FBN2: variants seen among roughly 807,000 people sequenced by gnomAD.
FBN2 encodes fibrillin 2.
A neutral mutation model predicts 355.6 loss-of-function variants in FBN2; 105 were observed. That is an observed-to-expected ratio of 0.30 (90% CI 0.25 to 0.35). The LOEUF is 0.35. Among genes scored for constraint, FBN2 ranks in the 10% least tolerant of loss-of-function variants. FBN2 has a pLI of 1.00. For missense variants in FBN2, 3,280 were observed against 3,758.7 expected, an observed-to-expected ratio of 0.87 and a Z score of 3.33; for synonymous variants, 1,350 against 1,301.2, an observed-to-expected ratio of 1.04 and a Z score of -0.81.
chr5:128,408,552 AT>A (rs1227634928), intron 8 of FBN2, 121 bp downstream of exon 8: 6 of 1,187,480 alleles, frequency 5.1e-6, no homozygotes, highest in Non-Finnish European at 7.5e-6. Context: ...TACCGTTTAC[AT>A]TAAACAACTC....
intron 7 of FBN2, among the ~76,000 whole-genome samples, chr5:128,413,506 A>T (rs1753121472): frequency 6.6e-6 from 1 of 152,156 alleles, no homozygotes; most frequent in African/African-American, 2.4e-5. Flanking sequence ...CAGGTTTTTT[A>T]AAAAAGGAAA....
intron 62 of FBN2, among the ~76,000 whole-genome samples, chr5:128,269,456 C>A (rs1169447631): frequency 6.7e-6 from 1 of 150,248 alleles, no homozygotes; most frequent in African/African-American, 2.4e-5. Context: ...GAGACTCCAC[C>A]CCAAAAAAAA....
Position 128,470,644 on chromosome 5 carries a change from C to T in FBN2, c.629-5723G>A, listed in dbSNP as rs960242298. 4.6e-5 allele frequency among the ~76,000 whole-genome samples: 7 copies of T among 151,896 alleles called. No individual in the cohort carries two copies. In the East Asian group the frequency reaches 5.8e-4, roughly 13 times the overall value. On this transcript the variant is annotated intron_variant, in intron 5 of 64. Coordinates refer to ENST00000262464, the MANE Select transcript of FBN2 (RefSeq NM_001999.4). ...ACCATGGAATCTATGCTGGACAAGA[C>T]GGGAAGTAAGAAAAGGACTGCTAGA...
At chr5:128,467,995 T>C (rs533904084) in intron 5 of FBN2, among the ~76,000 whole-genome samples, 5 of 152,310 alleles carry the variant, frequency 3.3e-5, no homozygotes, top group African/African-American at 9.6e-5. Context: ...ATTCGCCTGT[T>C]TTAAGTGTAA....
intron 5 of FBN2, among the ~76,000 whole-genome samples, chr5:128,497,460 G>A (rs1389892117): frequency 6.6e-6 from 1 of 152,196 alleles, no homozygotes; most frequent in Non-Finnish European, 1.5e-5. Flanking sequence ...CTTGTACAAA[G>A]TGGTTAAGTA....
At chr5:128,398,132 C>T (rs948685165) in intron 8 of FBN2, among the ~76,000 whole-genome samples, 2 of 151,920 alleles carry the variant, frequency 1.3e-5, no homozygotes, top group African/African-American at 4.8e-5. Context: ...AAGAATATAA[C>T]GTAAAGAGGT....
At chr5:128,431,791 GCTA>G (rs1403848324) in intron 7 of FBN2, among the ~76,000 whole-genome samples, 2 of 152,198 alleles carry the variant, frequency 1.3e-5, no homozygotes, top group Non-Finnish European at 2.9e-5. Context: ...AACTGAGGCA[GCTA>G]CTGAGTGACT....
Position 128,430,850 on chromosome 5 carries a change from A to C in FBN2, c.952+15631T>G, listed in dbSNP as rs1753601731. Among the ~76,000 whole-genome samples, 6 of 118,550 alleles carry C rather than the reference A, an allele frequency of 5.1e-5. No individual in the cohort carries two copies. In the Admixed American group the frequency reaches 5.8e-4, roughly 11 times the overall value. 77.8% of individuals were successfully genotyped at this position (118,550 alleles called of 152,430 possible). ...GGGCGACAGAGTGAAACCCTGTCTC[A>C]AAAATAAATAAATAAATAAATAAAT... On this transcript the variant is annotated intron_variant, in intron 7 of 64. Coordinates refer to ENST00000262464, the MANE Select transcript of FBN2 (RefSeq NM_001999.4).
In FBN2 at chr5:128,334,738, C is replaced by T; in HGVS notation, c.4080G>A (p.Lys1360=). 1 of 1,614,196 alleles carries T rather than the reference C, an allele frequency of 6.2e-7. No individual in the cohort carries two copies. The highest frequency in any genetic ancestry group is 8.5e-7 in the Non-Finnish European group (1 of 1,180,002). Residue 1360 remains lysine (K), a synonymous_variant, in exon 31 of 65, where the codon AAG becomes AAA. Transcript: ENST00000262464. ...CHCQLGYSVK[K]GTTGCTDVDE... ...ACCTACCTGTACATCCTGTGGTCCC[C>T]TTCTTCACTGAGTAACCCAGCTGAC...
intron 7 of FBN2, among the ~76,000 whole-genome samples, chr5:128,444,225 A>T (rs1754005513): frequency 6.6e-6 from 1 of 151,382 alleles, no homozygotes; most frequent in Admixed American, 6.6e-5. Flanking sequence ...GGCGCCCGCC[A>T]CCGCGCCCGG....
intron 7 of FBN2, among the ~76,000 whole-genome samples, chr5:128,416,080 G>A (rs940511056): frequency 1.3e-5 from 2 of 149,994 alleles, no homozygotes; most frequent in Non-Finnish European, 2.9e-5. Context: ...AGGCTGGAGT[G>A]CAATGGGGCG....
rs532442557 is a variant in FBN2, at chr5:128,461,169, C to G, written c.826+3555G>C. On this transcript the variant is annotated intron_variant, in intron 6 of 64. Transcript: ENST00000262464. ...AACATATTTATAAGAAAAAGACAAA[C>G]AACCCCATCAAAAAGTGGGCAAAGG... 6.6e-5 allele frequency among the ~76,000 whole-genome samples: 10 copies of G among 152,136 alleles called. No homozygotes were observed. In the East Asian group the frequency reaches 1.9e-3, roughly 29 times the overall value.
intron 36 of FBN2, among the ~76,000 whole-genome samples, chr5:128,313,986 T>A (rs1183912777): frequency 2.0e-5 from 3 of 151,748 alleles, no homozygotes; most frequent in African/African-American, 7.3e-5. Context: ...CCTAGTCTAA[T>A]GTAATAGTTT....
Position 128,377,859 on chromosome 5 carries a change from T to A in FBN2, c.1742A>T (p.Gln581Leu). 6.2e-7 allele frequency: 1 copy of A among 1,613,500 alleles called. No homozygotes were observed. Among genetic ancestry groups the A allele is most frequent in the South Asian group, 1.1e-5 (1 of 91,080 alleles). Residue 581 changes from glutamine (Q) to leucine (L), a missense_variant, in exon 13 of 65, where the codon CAG becomes CTG. By Grantham distance (113) the Gln-to-Leu change is moderately radical (BLOSUM62 -2). Around this residue, in one of 6 missense-constraint regions of FBN2, gnomAD observed 2,284 missense variants for 2,749.5 expected, o/e 0.83. Transcript: ENST00000262464. Reference sequence around the variant, plus strand: ...ACCGTTTTTACAAAGAACCCCATTCTGGATGCACTCATCAATATCTAGGAA... The same window carrying A: ...ACCGTTTTTACAAAGAACCCCATTCAGGATGCACTCATCAATATCTAGGAA... ...QACIDIDECI[Q>L]NGVLCKNGRC...
At chr5:128,393,499 A>C in intron 9 of FBN2, 131 bp from the exon 10 acceptor site, 1 of 714,404 alleles carries the variant, frequency 1.4e-6, no homozygotes, top group Non-Finnish European at 2.4e-6. Flanking sequence ...TTACTATCTC[A>C]ATACATGTTT....
intron 11 of FBN2, among the ~76,000 whole-genome samples, chr5:128,383,811 G>C (rs566211723): frequency 6.6e-6 from 1 of 152,122 alleles, no homozygotes; most frequent in East Asian, 1.9e-4. Context: ...ACTATACGAA[G>C]TGCTGGCTTG....
intron 3 of FBN2, among the ~76,000 whole-genome samples, chr5:128,530,275 TCTC>T (rs1756667551): frequency 6.6e-6 from 1 of 152,106 alleles, no homozygotes; most frequent in South Asian, 2.1e-4. Context: ...CCTTTGGAGT[TCTC>T]CTCTCCTTCC....
chr5:128,421,583 A>G (rs1581279053), intron 7 of FBN2, among the ~76,000 whole-genome samples: 2 of 152,284 alleles, frequency 1.3e-5, no homozygotes. Context: ...GGTGATTGGA[A>G]TCTATGGGTA....
intron 7 of FBN2, among the ~76,000 whole-genome samples, chr5:128,434,394 G>GCATATATATATATA (rs1554068954): frequency 8.7e-5 from 8 of 91,678 alleles, no homozygotes; most frequent in Non-Finnish European, 1.4e-4. Flanking sequence ...AATAAAGTGT[G>GCATATATATATATA]TATATATATA....
Sources: gnomAD v4.1 joint callset for allele counts (sites outside exome capture counted in the v4.1 genomes callset) on GRCh38, gnomAD v4.1.1 for gene constraint, gnomAD v4.1.1 regional missense constraint, MANE v1.5 for transcripts, NCBI Gene and HGNC (gene_info 2026-07-23, HGNC 2026-07-21) for gene names.